PPFIA4: variants seen among roughly 807,000 people sequenced by gnomAD.
PPFIA4 encodes liprin-alpha-4.
Under a neutral mutation model 145.7 loss-of-function variants are expected in PPFIA4, and 98 were observed. The observed-to-expected ratio is 0.67, with a 90% CI of 0.57 to 0.80. The LOEUF (loss-of-function observed/expected upper bound fraction) is 0.80, where lower values mean the gene tolerates loss of function less well. Ranked by LOEUF, PPFIA4 falls within the 30% of genes least tolerant of loss-of-function variation. The pLI is 0.00. For synonymous variants in PPFIA4, 628 were observed against 649.6 expected (o/e 0.97, Z 0.51); for missense variants, 1,457 against 1,632.7 (o/e 0.89, Z 1.85).
chr1:203,046,027 A>G (rs752906287), intron 8 of PPFIA4, 40 bp downstream of exon 8: 1 of 1,611,074 alleles, frequency 6.2e-7, no homozygotes, highest in East Asian at 2.2e-5. Flanking sequence ...CATTGTACTT[A>G]GCCCTGGAGG....
At position 203,075,127 on chromosome 1, in the gene PPFIA4, A is replaced by G. The variant is rs1662429837; in HGVS notation, c.3394-450A>G. ...CAGGTGTCTGACTCCCGCCCGACAT[A>G]GTACTCTTCTGGTATACTGGGCTAC... On this transcript the variant is annotated intron_variant, in intron 28 of 29. Coordinates refer to ENST00000295706, the MANE Select transcript of PPFIA4 (RefSeq NM_001304331.2). The surrounding 1 kb of genome is among the most constrained non-coding windows in gnomAD (Gnocchi z 4.1). 6.6e-6 allele frequency among the ~76,000 whole-genome samples: 1 copy of G among 152,114 alleles called. No homozygotes were observed. The highest frequency in any genetic ancestry group is 2.4e-5 in the African/African-American group (1 of 41,402).
Position 203,056,735 on chromosome 1 carries a change from T to C in PPFIA4, c.2241-49T>C, listed in dbSNP as rs1447516666. 3.4e-6 allele frequency: 5 copies of C among 1,459,802 alleles called. No homozygotes were observed. In the Admixed American group the frequency reaches 9.8e-5, roughly 29 times the overall value. 90.4% of individuals were successfully genotyped at this position (1,459,802 alleles called of 1,614,324 possible). A position where few individuals can be genotyped will look rare whatever the true frequency, so the allele number is the denominator to read the frequency against. On this transcript the variant is annotated intron_variant, in intron 18 of 29. Transcript: ENST00000295706. ...TAACTTCCATCTTTCCTGCTGTCAC[T>C]TAAGTATGTTTCTTCTTATTCCGCC...
chr1:203,043,892 A>G lies in PPFIA4; in HGVS notation c.337-39A>G. The G allele has an allele frequency of 5.8e-6, 9 of 1,552,488 alleles. No homozygotes were observed. Among genetic ancestry groups the G allele is most frequent in the Non-Finnish European group, 7.0e-6 (8 of 1,147,524 alleles). Reference sequence around the variant, plus strand: ...CTTGTAGCCCCTGGGGCACATGCTTACAGCCCTCCCTCTCACCCTCCCCTG... The same window carrying G: ...CTTGTAGCCCCTGGGGCACATGCTTGCAGCCCTCCCTCTCACCCTCCCCTG... On this transcript the variant is annotated intron_variant, in intron 3 of 29. Transcript: ENST00000295706. This position sits in a 1 kb window ranked among gnomAD's most constrained non-coding sequence, Gnocchi z 4.4.
chr1:203,049,598 C>CCCT, intron 12 of PPFIA4, 78 bp from the exon 13 acceptor site: 1 of 1,219,332 alleles, frequency 8.2e-7, no homozygotes, highest in African/African-American at 1.5e-5. Context: ...TCCTCTTTGT[C>CCCT]CCTCTCTGAC....
intron 8 of PPFIA4, 92 bp downstream of exon 8, chr1:203,046,079 G>T: frequency 6.3e-7 from 1 of 1,577,114 alleles, no homozygotes; most frequent in South Asian, 1.1e-5. Flanking sequence ...GAGCCCCTGG[G>T]GTCCTGCAGG....
intron 15 of PPFIA4, 27 bp downstream of exon 15, chr1:203,053,988 A>G: frequency 1.3e-6 from 2 of 1,550,170 alleles, no homozygotes; most frequent in Non-Finnish European, 8.7e-7. Context: ...AGGGCTTGGG[A>G]AGTGCATTGA....
Position 203,044,681 on chromosome 1 carries a change from G to C in PPFIA4, c.577-15G>C. On this transcript the variant is annotated splice_polypyrimidine_tract_variant and intron_variant, in intron 5 of 29. Transcript: ENST00000295706. ...CTTCTCTTTGACTCATTGCCCTGGG[G>C]CTTGTGCCCTACAGGTGTCTGCCCT... 2 of 1,546,714 alleles carry C rather than the reference G, an allele frequency of 1.3e-6. No individual in the cohort carries two copies. The highest frequency in any genetic ancestry group is 1.7e-6 in the Non-Finnish European group (2 of 1,145,504).
At position 203,061,037 on chromosome 1, in the gene PPFIA4, G is replaced by T. The variant is rs1483871098; in HGVS notation, c.2847+5G>T. 1 of 1,613,828 alleles carries T rather than the reference G, an allele frequency of 6.2e-7. No individual in the cohort carries two copies. The highest frequency in any genetic ancestry group is 1.3e-5 in the African/African-American group (1 of 74,954). ...CTGGAAACATCTACTAAAACAGTGA[G>T]TCTGGCCCTTGGCCTTTGTCCCTGG... On this transcript the variant is annotated splice_donor_5th_base_variant and intron_variant, in intron 23 of 29. Coordinates refer to ENST00000295706, the MANE Select transcript of PPFIA4 (RefSeq NM_001304331.2).
At position 203,053,813 on chromosome 1, in the gene PPFIA4, A is replaced by G; in HGVS notation, c.1681A>G (p.Ser561Gly). The G allele has an allele frequency of 6.4e-7, 1 of 1,553,180 alleles. No individual in the cohort carries two copies. The highest frequency in any genetic ancestry group is 1.7e-4 in the Middle Eastern group (1 of 5,856). ...LAPAAGPAFD[S>G]DPEISDVDED... The stretch of plus-strand genomic sequence containing the variant: ...CCCGGCAGCTGGCCCTGCCTTTGAC[A>G]GTGACCCTGAGATCTCCGACGTGGA... Residue 561 changes from serine (S) to glycine (G), a missense_variant, in exon 15 of 30, where the codon AGT becomes GGT. Around this residue, in one of 3 missense-constraint regions of PPFIA4, gnomAD observed 848 missense variants for 1,046.7 expected, o/e 0.81. Coordinates refer to ENST00000295706, the MANE Select transcript of PPFIA4 (RefSeq NM_001304331.2).
At chr1:203,040,745 A>G (rs1052707036) in intron 2 of PPFIA4, among the ~76,000 whole-genome samples, 20 of 152,234 alleles carry the variant, frequency 1.3e-4, no homozygotes, top group African/African-American at 4.8e-4. Flanking sequence ...CTCTCATACC[A>G]GCACCTGGAG....
Position 203,049,785 on chromosome 1 carries a change from G to T in PPFIA4, c.1511+18G>T, listed in dbSNP as rs1458563551. On this transcript the variant is annotated intron_variant, in intron 13 of 29. Transcript: ENST00000295706. ...CACTCCAGGTACTGCAGCGCCAGAG[G>T]CTGGGCATGCCAGGACGGGGTCCTG... The T allele has an allele frequency of 3.9e-6, 6 of 1,530,832 alleles. No homozygotes were observed. The Middle Eastern group carries it at 7.0e-4, about 179-fold the overall frequency. The allele number at this position is 1,530,832 out of a possible 1,614,324, so 94.8% of individuals were successfully genotyped here. A position where few individuals can be genotyped will look rare whatever the true frequency, so the allele number is the denominator to read the frequency against.
intron 2 of PPFIA4, among the ~76,000 whole-genome samples, chr1:203,041,558 C>T (rs1659695679): frequency 6.6e-6 from 1 of 152,178 alleles, no homozygotes; most frequent in Non-Finnish European, 1.5e-5. Context: ...AGTCACTGCA[C>T]TCCAGCCTGG....
chr1:203,075,566 C>A lies in PPFIA4; in HGVS notation c.3394-11C>A. 1 of 1,403,044 alleles carries A rather than the reference C, an allele frequency of 7.1e-7. No individual in the cohort carries two copies. The highest frequency in any genetic ancestry group is 9.3e-7 in the Non-Finnish European group (1 of 1,071,430). 86.9% of individuals were successfully genotyped at this position (1,403,044 alleles called of 1,614,324 possible). A position where few individuals can be genotyped will look rare whatever the true frequency, so the allele number is the denominator to read the frequency against. ...AGGGCCCTCGGGCCTCTGGTGTCCC[C>A]CATGGTGCAGGGGGATGACAAGGTG... On this transcript the variant is annotated splice_polypyrimidine_tract_variant and intron_variant, in intron 28 of 29. Coordinates refer to ENST00000295706, the MANE Select transcript of PPFIA4 (RefSeq NM_001304331.2). This position sits in a 1 kb window ranked among gnomAD's most constrained non-coding sequence, Gnocchi z 4.1.
chr1:203,055,798 C>G lies in PPFIA4; in HGVS notation c.2070+126C>G. The stretch of plus-strand genomic sequence containing the variant: ...TCTTCTTCCCATGGTGTGTGCAGAC[C>G]CCGACATGTCAGGCCACCAGCCTGT... On this transcript the variant is annotated intron_variant, in intron 16 of 29. Coordinates refer to ENST00000295706, the MANE Select transcript of PPFIA4 (RefSeq NM_001304331.2). This position sits in a 1 kb window ranked among gnomAD's most constrained non-coding sequence, Gnocchi z 4.8. 1 of 1,417,018 alleles carries G rather than the reference C, an allele frequency of 7.1e-7. No individual in the cohort carries two copies. The highest frequency in any genetic ancestry group is 9.6e-7 in the Non-Finnish European group (1 of 1,041,772). The allele number at this position is 1,417,018 out of a possible 1,614,324, so 87.8% of individuals were successfully genotyped here.
intron 1 of PPFIA4, among the ~76,000 whole-genome samples, chr1:203,028,289 G>A (rs1483685881): frequency 6.6e-6 from 1 of 152,150 alleles, no homozygotes; most frequent in Non-Finnish European, 1.5e-5. Context: ...AGGGCTGGAG[G>A]GGCAGGGCAT....
At chr1:203,045,221 A>AACTGC in intron 6 of PPFIA4, 147 bp from the exon 7 acceptor site, 1 of 686,506 alleles carries the variant, frequency 1.5e-6, no homozygotes. Context: ...AGAGGGAGGC[A>AACTGC]GTTGTAGCCA....
chr1:203,073,307 C>T (rs1186035090), intron 28 of PPFIA4, among the ~76,000 whole-genome samples: 2 of 152,228 alleles, frequency 1.3e-5, no homozygotes, highest in Non-Finnish European at 2.9e-5. Flanking sequence ...CCCCCTTGTT[C>T]CACTTCCTCT....
chr1:203,072,598 C>A (rs908445007), intron 28 of PPFIA4, among the ~76,000 whole-genome samples: 2 of 152,172 alleles, frequency 1.3e-5, no homozygotes, highest in Admixed American at 6.5e-5. Context: ...GTCAGGTCTG[C>A]GCTAGTTGAT....
At position 203,046,649 on chromosome 1, in the gene PPFIA4, GTTTTTC is replaced by G. The variant is rs1188868307; in HGVS notation, c.1140+279_1140+284del. ...AGAAGAAGCTATGTTGATGCAAAGT[GTTTTTC>G]TTTTTCTTTTTTTTTTTTTTTAATC... On this transcript the variant is annotated intron_variant, in intron 9 of 29. Coordinates refer to ENST00000295706, the MANE Select transcript of PPFIA4 (RefSeq NM_001304331.2). 4 of 314,570 alleles carry G rather than the reference GTTTTTC, an allele frequency of 1.3e-5. No homozygotes were observed. The Admixed American group carries it at 1.7e-4, about 13-fold the overall frequency. 19.5% of individuals were successfully genotyped at this position (314,570 alleles called of 1,614,324 possible).
Sources: allele counts gnomAD v4.1 joint callset (sites outside exome capture counted in the v4.1 genomes callset), GRCh38; gene constraint gnomAD v4.1.1; regional missense constraint gnomAD v4.1.1; non-coding constraint Gnocchi (gnomAD v3.1); transcripts MANE v1.5; gene names NCBI Gene and HGNC (gene_info 2026-07-23, HGNC 2026-07-21).